MACROD2: variants seen among roughly 807,000 people sequenced by gnomAD.
MACROD2 encodes the protein mono-ADP ribosylhydrolase 2.
Under a neutral mutation model 70.4 loss-of-function variants are expected in MACROD2, and 36 were observed. The observed-to-expected ratio is 0.51, with a 90% CI of 0.39 to 0.68. The LOEUF (loss-of-function observed/expected upper bound fraction) is 0.68. MACROD2 is among the 30% of genes least tolerant of loss of function. MACROD2 has a pLI of 0.00. For missense variants in MACROD2, 496 were observed against 538.4 expected (o/e 0.92, Z 0.78); for synonymous variants, 172 against 178.8 (o/e 0.96, Z 0.30).
At chr20:14,607,588 G>A (rs1483412883) in intron 4 of MACROD2, among the ~76,000 whole-genome samples, 1 of 152,146 alleles carries the variant, frequency 6.6e-6, no homozygotes, top group African/African-American at 2.4e-5. Flanking sequence ...ACCATGTCTT[G>A]CAGACCAAGG....
intron 5 of MACROD2, among the ~76,000 whole-genome samples, chr20:15,034,643 G>A (rs1005449478): frequency 3.9e-5 from 6 of 152,064 alleles, no homozygotes; most frequent in Non-Finnish European, 8.8e-5. Context: ...GCAAGTTATA[G>A]CATTCAATTT....
At chr20:15,852,075 C>G (rs1235040441) in intron 8 of MACROD2, among the ~76,000 whole-genome samples, 1 of 152,198 alleles carries the variant, frequency 6.6e-6, no homozygotes, top group African/African-American at 2.4e-5. Context: ...AGGCCCTAAG[C>G]CTGTGTGTGT....
At chr20:14,771,264 T>C (rs899156787) in intron 5 of MACROD2, among the ~76,000 whole-genome samples, 1 of 152,104 alleles carries the variant, frequency 6.6e-6, no homozygotes, top group Non-Finnish European at 1.5e-5. Context: ...AGTTTGTAAA[T>C]GGCAGATGGA....
chr20:15,330,161 A>G (rs1290082590), intron 6 of MACROD2, among the ~76,000 whole-genome samples: 2 of 152,212 alleles, frequency 1.3e-5, no homozygotes, highest in Middle Eastern at 3.4e-3. Context: ...GAAGTCTCCT[A>G]TGTCATGTAA....
intron 3 of MACROD2, among the ~76,000 whole-genome samples, chr20:14,354,896 C>T (rs1462322851): frequency 6.6e-6 from 1 of 152,178 alleles, no homozygotes; most frequent in African/African-American, 2.4e-5. Flanking sequence ...ATTTGGTTTT[C>T]TGTTCCTGCA....
chr20:15,492,479 G>C (rs139721369), intron 7 of MACROD2, among the ~76,000 whole-genome samples: 2 of 152,114 alleles, frequency 1.3e-5, no homozygotes, highest in Non-Finnish European at 2.9e-5. Flanking sequence ...AGCTTGAAAA[G>C]TATACTGTTT....
chr20:15,514,148 T>C (rs1453764116), intron 8 of MACROD2, among the ~76,000 whole-genome samples: 1 of 152,156 alleles, frequency 6.6e-6, no homozygotes, highest in East Asian at 1.9e-4. Flanking sequence ...AAATAAAAAA[T>C]ACAATAAGTT....
At chr20:14,153,613 G>A (rs2055054629) in intron 3 of MACROD2, among the ~76,000 whole-genome samples, 1 of 152,160 alleles carries the variant, frequency 6.6e-6, no homozygotes, top group Non-Finnish European at 1.5e-5. Context: ...CTCAGCAAGT[G>A]CTTTCTGATT....
chr20:14,663,630 T>TGA (rs2070703373), intron 4 of MACROD2, among the ~76,000 whole-genome samples: 1 of 151,362 alleles, frequency 6.6e-6, no homozygotes, highest in East Asian at 1.9e-4. Flanking sequence ...TATTAACAAT[T>TGA]GAGAAATCTG....
At chr20:15,092,428 A>G (rs2075799411) in intron 5 of MACROD2, among the ~76,000 whole-genome samples, 1 of 148,512 alleles carries the variant, frequency 6.7e-6, no homozygotes, top group African/African-American at 2.4e-5. Flanking sequence ...CATTATAATT[A>G]AAATTTATAT....
At chr20:14,286,381 G>A (rs565345939) in intron 3 of MACROD2, among the ~76,000 whole-genome samples, 2 of 152,022 alleles carry the variant, frequency 1.3e-5, no homozygotes, top group African/African-American at 2.4e-5. Flanking sequence ...ATAAACATAA[G>A]CAAAAACTAC....
chr20:14,406,151 C>T (rs1247896184), intron 3 of MACROD2, among the ~76,000 whole-genome samples: 1 of 152,050 alleles, frequency 6.6e-6, no homozygotes, highest in African/African-American at 2.4e-5. Flanking sequence ...TCCTCTCTGA[C>T]CTATCTTATG....
At chr20:15,714,810 C>T (rs1434815918) in intron 8 of MACROD2, among the ~76,000 whole-genome samples, 1 of 151,958 alleles carries the variant, frequency 6.6e-6, no homozygotes, top group Non-Finnish European at 1.5e-5. Context: ...AATAAATATG[C>T]ATATATAAAC....
intron 8 of MACROD2, among the ~76,000 whole-genome samples, chr20:15,762,152 A>T (rs2051445872): frequency 6.6e-6 from 1 of 152,240 alleles, no homozygotes; most frequent in Non-Finnish European, 1.5e-5. Flanking sequence ...AATAATGGCA[A>T]TAACAATAAC....
intron 6 of MACROD2, among the ~76,000 whole-genome samples, chr20:15,230,310 C>A (rs1047779702): frequency 6.6e-6 from 1 of 152,054 alleles, no homozygotes; most frequent in Non-Finnish European, 1.5e-5. Flanking sequence ...TCTACTTTTT[C>A]CTCTTTATTT....
intron 5 of MACROD2, among the ~76,000 whole-genome samples, chr20:14,941,064 C>T (rs987994264): frequency 6.6e-6 from 1 of 152,108 alleles, no homozygotes; most frequent in Non-Finnish European, 1.5e-5. Flanking sequence ...GCTTCAGTCT[C>T]ATTACTCATT....
chr20:14,545,137 G>T (rs991778774), intron 4 of MACROD2, among the ~76,000 whole-genome samples: 5 of 152,200 alleles, frequency 3.3e-5, no homozygotes, highest in Non-Finnish European at 7.3e-5. Context: ...GTAGGGAGAA[G>T]CCTGTCTAGG....
At chr20:14,342,925 A>T (rs1217684801) in intron 3 of MACROD2, among the ~76,000 whole-genome samples, 1 of 151,912 alleles carries the variant, frequency 6.6e-6, no homozygotes, top group Non-Finnish European at 1.5e-5. Flanking sequence ...CCCAACACTC[A>T]TGTTGGACTG....
intron 8 of MACROD2, among the ~76,000 whole-genome samples, chr20:15,677,280 G>C (rs555742107): frequency 1.3e-5 from 2 of 152,120 alleles, no homozygotes; most frequent in South Asian, 4.2e-4. Flanking sequence ...TACTGTTCTG[G>C]GATGAAAGCA....
Sources: allele counts gnomAD v4.1 joint callset (sites outside exome capture counted in the v4.1 genomes callset), GRCh38; gene constraint gnomAD v4.1.1; transcripts MANE v1.5; gene names NCBI Gene and HGNC (gene_info 2026-07-23, HGNC 2026-07-21).